PCDHGA3: variants seen among roughly 807,000 people sequenced by gnomAD.
PCDHGA3 encodes the protein protocadherin gamma subfamily A, 3, also known as protocadherin gamma-A3.
Under a neutral mutation model 58.5 loss-of-function variants are expected in PCDHGA3, and 40 were observed. That is an observed-to-expected ratio of 0.68 (90% CI 0.53 to 0.89). The LOEUF is 0.89. PCDHGA3 is among the 40% of genes least tolerant of loss of function. PCDHGA3 has a pLI of 0.00. For synonymous variants in PCDHGA3, 530 were observed against 525.7 expected, an observed-to-expected ratio of 1.01 and a Z score of -0.11; for missense variants, 1,223 against 1,195.9, an observed-to-expected ratio of 1.02 and a Z score of -0.33.
rs1224515106 is a variant in PCDHGA3 at position 141,491,453 on chromosome 5, C to T, written c.2425-3354C>T. On this transcript the variant is annotated intron_variant, in intron 1 of 3. Transcript: ENST00000253812. The surrounding 1 kb of genome is among the most constrained non-coding windows in gnomAD (Gnocchi z 6.9). ...TGCTGCAGGCGCCAGGACTCACCCT[C>T]CCCGGACTTCTATAAGCAGTCCAGC... The T allele has an allele frequency of 6.2e-6, 10 of 1,614,120 alleles. No homozygotes were observed. The highest frequency in any genetic ancestry group is 8.5e-6 in the Non-Finnish European group (10 of 1,180,028).
intron 1 of PCDHGA3, chr5:141,375,076 G>T: frequency 6.2e-7 from 1 of 1,614,010 alleles, no homozygotes; most frequent in Non-Finnish European, 8.5e-7. Flanking sequence ...GAGACAGAGC[G>T]AAAGTCTTAA....
chr5:141,388,583 T>G, intron 1 of PCDHGA3: 1 of 1,613,894 alleles, frequency 6.2e-7, no homozygotes, highest in Non-Finnish European at 8.5e-7. Flanking sequence ...TTCTAGTGAC[T>G]GATGCCAATG....
Position 141,388,955 on chromosome 5 carries a change from C to T in PCDHGA3, c.2424+42498C>T, listed in dbSNP as rs183330174. ...CTCTACCCAACCTAATTATGGAGGA[C>T]GCCGAGCTGGGAACACATATTGCTT... On this transcript the variant is annotated intron_variant, in intron 1 of 3. Transcript: ENST00000253812. 126 of 1,613,914 alleles carry T rather than the reference C, an allele frequency of 7.8e-5. 1 individual carries two copies. In the African/African-American group the frequency reaches 1.3e-3, roughly 17 times the overall value.
At chr5:141,462,206 T>A (rs574863016) in intron 1 of PCDHGA3, among the ~76,000 whole-genome samples, 7 of 152,066 alleles carry the variant, frequency 4.6e-5, no homozygotes, top group African/African-American at 1.7e-4. Flanking sequence ...GTGATCCGCC[T>A]GCCTCGGCCT....
chr5:141,431,111 G>A lies in PCDHGA3; in HGVS notation c.2425-63696G>A, dbSNP rs2097343539. The A allele has an allele frequency of 1.9e-6, 3 of 1,614,110 alleles. No individual in the cohort carries two copies. Among genetic ancestry groups the A allele is most frequent in the Non-Finnish European group, 2.5e-6 (3 of 1,180,034 alleles). On this transcript the variant is annotated intron_variant, in intron 1 of 3. Coordinates refer to ENST00000253812, the MANE Select transcript of PCDHGA3 (RefSeq NM_018916.4). This position sits in a 1 kb window ranked among gnomAD's most constrained non-coding sequence, Gnocchi z 4.8. ...GATGGAGGATAAAGTGAAAATATAT[G>A]GAGTAGAAGTAGAAGTAAGGGACAT...
At chr5:141,384,906 C>T (rs767972748) in intron 1 of PCDHGA3, 4 of 1,613,882 alleles carry the variant, frequency 2.5e-6, no homozygotes, top group Non-Finnish European at 3.4e-6. Flanking sequence ...ACAGCATCCC[C>T]GAAGTCTTGG....
At chr5:141,374,798 A>T in intron 1 of PCDHGA3, 1 of 1,613,784 alleles carries the variant, frequency 6.2e-7, no homozygotes, top group Non-Finnish European at 8.5e-7. Flanking sequence ...GAATGACAAC[A>T]CTCCAATGTT....
chr5:141,351,066 G>A (rs930490756), intron 1 of PCDHGA3: 1 of 1,614,050 alleles, frequency 6.2e-7, no homozygotes, highest in Non-Finnish European at 8.5e-7. Flanking sequence ...CAGGATGAGG[G>A]CATTAATGCA....
At chr5:141,496,844 T>G (rs1275272674) in intron 2 of PCDHGA3, among the ~76,000 whole-genome samples, 2 of 150,852 alleles carry the variant, frequency 1.3e-5, no homozygotes, top group Non-Finnish European at 2.9e-5. Context: ...CTCATAGGCT[T>G]CCAGACCAGC....
intron 1 of PCDHGA3, chr5:141,383,711 A>G (rs201269369): frequency 5.5e-4 from 889 of 1,614,004 alleles, no homozygotes; most frequent in Non-Finnish European, 6.8e-4. Flanking sequence ...GACCTGGACG[A>G]GGGAGTCAAT....
At chr5:141,390,352 A>C (rs1340044054) in intron 1 of PCDHGA3, 1 of 1,557,524 alleles carries the variant, frequency 6.4e-7, no homozygotes, top group African/African-American at 1.4e-5. Context: ...GAAAATATAC[A>C]TATTTGCAGG....
intron 1 of PCDHGA3, chr5:141,410,146 C>G: frequency 6.2e-7 from 1 of 1,612,390 alleles, no homozygotes. Flanking sequence ...CTGTGCGTGA[C>G]GGTGGACAGC....
At chr5:141,365,820 A>G in intron 1 of PCDHGA3, 1 of 1,613,898 alleles carries the variant, frequency 6.2e-7, no homozygotes, top group East Asian at 2.2e-5. Context: ...GACACATTTC[A>G]GGGGGCGCCC....
intron 1 of PCDHGA3, among the ~76,000 whole-genome samples, chr5:141,381,686 AAAC>A (rs1269227136): frequency 2.6e-5 from 4 of 152,308 alleles, no homozygotes; most frequent in Non-Finnish European, 4.4e-5. Context: ...CAGCCAAGAC[AAAC>A]AACGATTTCT....
At chr5:141,510,431 G>A (rs912708135) in intron 3 of PCDHGA3, among the ~76,000 whole-genome samples, 9 of 152,132 alleles carry the variant, frequency 5.9e-5, no homozygotes, top group African/African-American at 1.9e-4. Flanking sequence ...TTTCATGGCT[G>A]CTGCCCTCCA....
intron 1 of PCDHGA3, among the ~76,000 whole-genome samples, chr5:141,449,339 G>T (rs1307731679): frequency 6.6e-6 from 1 of 151,930 alleles, no homozygotes; most frequent in Non-Finnish European, 1.5e-5. Context: ...AGGTGCAGTG[G>T]CTCACTCCTG....
chr5:141,361,748 G>T, intron 1 of PCDHGA3: 1 of 1,613,040 alleles, frequency 6.2e-7, no homozygotes, highest in Non-Finnish European at 8.5e-7. Flanking sequence ...CGCGACCAGG[G>T]CTCGCCCGCG....
chr5:141,477,475 C>A lies in PCDHGA3; in HGVS notation c.2425-17332C>A. ...TTCAAGTGTCCGACATCAATGACAA[C>A]CCTCCACAATCTTCTCAATCTTCCT... On this transcript the variant is annotated intron_variant, in intron 1 of 3. Coordinates refer to ENST00000253812, the MANE Select transcript of PCDHGA3 (RefSeq NM_018916.4). The surrounding 1 kb of genome is among the most constrained non-coding windows in gnomAD (Gnocchi z 4.9). The A allele has an allele frequency of 3.1e-6, 5 of 1,614,124 alleles. No homozygotes were observed. The highest frequency in any genetic ancestry group is 4.2e-6 in the Non-Finnish European group (5 of 1,180,030).
At chr5:141,376,952 G>T (rs1773571680) in intron 1 of PCDHGA3, 1 of 165,710 alleles carries the variant, frequency 6.0e-6, no homozygotes, top group African/African-American at 2.4e-5. Flanking sequence ...CTCCCAAAGT[G>T]CTGGGATTAC....
Sources: allele counts gnomAD v4.1 joint callset (sites outside exome capture counted in the v4.1 genomes callset), GRCh38; gene constraint gnomAD v4.1.1; non-coding constraint Gnocchi (gnomAD v3.1); transcripts MANE v1.5; gene names NCBI Gene and HGNC (gene_info 2026-07-23, HGNC 2026-07-21).